The following CRKL variants were observed in gnomAD, a reference collection of about 807,000 sequenced individuals.
CRKL encodes CRK like proto-oncogene, adaptor protein, also known as crk-like protein.
CRKL carries 3 observed loss-of-function variants against 23.0 expected under a neutral mutation model. That is an observed-to-expected ratio of 0.13 (90% CI 0.06 to 0.34). The LOEUF (loss-of-function observed/expected upper bound fraction) is 0.34. CRKL is among the 10% of genes least tolerant of loss of function. The pLI, the probability that CRKL is intolerant of heterozygous loss-of-function variation, is 1.00. For missense variants in CRKL, 256 were observed against 394.5 expected (o/e 0.65, Z 2.97); for synonymous variants, 188 against 160.7 (o/e 1.17, Z -1.28).
At position 20,949,749 on chromosome 22, in the gene CRKL, T is replaced by C; in HGVS notation, c.816T>C (p.Asn272=). The C allele has an allele frequency of 6.2e-7, 1 of 1,613,668 alleles. No individual in the cohort carries two copies. Among genetic ancestry groups the C allele is most frequent in the Non-Finnish European group, 8.5e-7 (1 of 1,179,844 alleles). The change falls in exon 3 of 3, where the codon AAT becomes AAC. Residue 272 remains asparagine (N), a synonymous_variant. Coordinates refer to ENST00000354336, the MANE Select transcript of CRKL (RefSeq NM_005207.4). Reference sequence around the variant, plus strand: ...TGAAAGTCACAAGGATGAATATAAATGGCCAGTGGGAAGGCGAAGTGAACG... The same window carrying C: ...TGAAAGTCACAAGGATGAATATAAACGGCCAGTGGGAAGGCGAAGTGAACG... The part of the protein sequence containing the change: ...DIVKVTRMNI[N]GQWEGEVNGR...
At chr22:20,927,008 A>ACAT in intron 1 of CRKL, among the ~76,000 whole-genome samples, 2 of 145,306 alleles carry the variant, frequency 1.4e-5, no homozygotes, top group Non-Finnish European at 3.0e-5. Flanking sequence ...GCTACTCGGG[A>ACAT]GGCTGAGGCA....
chr22:20,943,594 GTGAGGTAAGGTTTCAGAGTC>G (rs1921953553), intron 2 of CRKL, among the ~76,000 whole-genome samples: 3 of 152,216 alleles, frequency 2.0e-5, no homozygotes, highest in Admixed American at 2.0e-4. Context: ...TGTGTATAGT[GTGAGGTAAGGTTTCAGAGTC>G]TTTCTTTTGC....
intron 1 of CRKL, among the ~76,000 whole-genome samples, chr22:20,922,321 T>A (rs1458761525): frequency 6.6e-6 from 1 of 151,884 alleles, no homozygotes; most frequent in East Asian, 1.9e-4. Flanking sequence ...CTCTCCGGCC[T>A]GGGAGTGTGT....
chr22:20,927,842 CAAAAAAAAAA>C (rs796204860), intron 1 of CRKL, among the ~76,000 whole-genome samples: 11 of 56,262 alleles, frequency 2.0e-4, no homozygotes, highest in South Asian at 2.0e-3. Flanking sequence ...GACTCTGTCT[CAAAAAAAAAA>C]AAAAAAAAAA....
intron 1 of CRKL, among the ~76,000 whole-genome samples, chr22:20,918,520 C>T (rs1340075600): frequency 6.6e-6 from 1 of 151,460 alleles, no homozygotes; most frequent in African/African-American, 2.4e-5. Context: ...TTAAAATGCA[C>T]GCTTTTTGCC....
In CRKL at chr22:20,921,763, G is replaced by A. The variant is rs549288385; in HGVS notation, c.311+3518G>A. ...GGAGTCTTGCTCTGTCGCCCAGGCT[G>A]GAGTGTGCGATCTCGGCTCACTGCA... On this transcript the variant is annotated intron_variant, in intron 1 of 2. Transcript: ENST00000354336. Among the ~76,000 whole-genome samples the A allele has an allele frequency of 1.7e-3, 255 of 151,376 alleles. 2 individuals are homozygous for A. Among genetic ancestry groups the A allele is most frequent in the African/African-American group, 6.0e-3 (246 of 41,216 alleles).
rs765450335 is a variant in CRKL, at chr22:20,926,928, A to G, written c.312-6851A>G. ...TGCGTTCGAGACCAGCCTGGCCAAC[A>G]CAGTGAAACCCTGTCTCTACTAAAA... On this transcript the variant is annotated intron_variant, in intron 1 of 2. Transcript: ENST00000354336. Among the ~76,000 whole-genome samples, 112 of 151,744 alleles carry G rather than the reference A, an allele frequency of 7.4e-4. 1 individual carries two copies. Among genetic ancestry groups the G allele is most frequent in the Admixed American group, 2.9e-3 (44 of 15,214 alleles).
chr22:20,925,502 G>A (rs940619949), intron 1 of CRKL, among the ~76,000 whole-genome samples: 1 of 152,214 alleles, frequency 6.6e-6, no homozygotes, highest in East Asian at 1.9e-4. Context: ...TCAACAGAGC[G>A]AGACTTCGTC....
chr22:20,945,567 G>A (rs1005065255), intron 2 of CRKL, among the ~76,000 whole-genome samples: 2 of 152,070 alleles, frequency 1.3e-5, no homozygotes, highest in African/African-American at 4.8e-5. Context: ...GAAGGATAGT[G>A]GTAATTTTAA....
At chr22:20,946,175 G>A (rs556413994) in intron 2 of CRKL, among the ~76,000 whole-genome samples, 3 of 152,234 alleles carry the variant, frequency 2.0e-5, no homozygotes, top group Non-Finnish European at 2.9e-5. Flanking sequence ...TACAGGGAGC[G>A]GAGACTGATT....
intron 1 of CRKL, among the ~76,000 whole-genome samples, chr22:20,921,597 C>G (rs1210550096): frequency 6.6e-6 from 1 of 152,118 alleles, no homozygotes; most frequent in East Asian, 1.9e-4. Flanking sequence ...CCAGCCTAGG[C>G]AAGGCTTGGC....
At chr22:20,923,803 C>G (rs1479002088) in intron 1 of CRKL, among the ~76,000 whole-genome samples, 5 of 151,572 alleles carry the variant, frequency 3.3e-5, no homozygotes, top group African/African-American at 1.2e-4. Flanking sequence ...TTTTCTGTCT[C>G]TTGACCTCAG....
At chr22:20,941,933 G>A (rs1358613457) in intron 2 of CRKL, among the ~76,000 whole-genome samples, 2 of 152,144 alleles carry the variant, frequency 1.3e-5, no homozygotes, top group Non-Finnish European at 2.9e-5. Flanking sequence ...GGGCCCTGGT[G>A]TGGTTCAGGC....
intron 2 of CRKL, among the ~76,000 whole-genome samples, chr22:20,946,501 TC>T (rs1304205217): frequency 4.6e-5 from 7 of 152,130 alleles, no homozygotes; most frequent in Non-Finnish European, 1.0e-4. Flanking sequence ...ATTGGCCTGT[TC>T]CATAGAGTGA....
In CRKL at chr22:20,917,512, A is replaced by G. The variant is rs1929733653; in HGVS notation, c.-423A>G. ...AACAAGCTGGGCAAAAGCACCCCGGAGGCGCGACGCTCCTTCGAGTTCGGT... is the reference window on the plus strand; with the variant it reads ...AACAAGCTGGGCAAAAGCACCCCGGGGGCGCGACGCTCCTTCGAGTTCGGT... On this transcript the variant is annotated 5_prime_UTR_variant, in exon 1 of 3. Transcript: ENST00000354336. The G allele has an allele frequency of 3.9e-6, 1 of 256,562 alleles. No individual in the cohort carries two copies. Among genetic ancestry groups the G allele is most frequent in the Non-Finnish European group, 7.4e-6 (1 of 134,364 alleles). 15.9% of individuals were successfully genotyped at this position (256,562 alleles called of 1,614,324 possible).
chr22:20,918,271 G>C, intron 1 of CRKL, 26 bp downstream of exon 1: 1 of 1,609,034 alleles, frequency 6.2e-7, no homozygotes, highest in Non-Finnish European at 8.5e-7. Flanking sequence ...CCCCGACCGC[G>C]GAGGAAGGTC....
rs574078448 is a variant in CRKL at position 20,929,257 on chromosome 22, C to T, written c.312-4522C>T. Among the ~76,000 whole-genome samples the T allele has an allele frequency of 3.3e-5, 5 of 151,986 alleles. No individual in the cohort carries two copies. In the East Asian group the frequency reaches 5.8e-4, roughly 18 times the overall value. On this transcript the variant is annotated intron_variant, in intron 1 of 2. Coordinates refer to ENST00000354336, the MANE Select transcript of CRKL (RefSeq NM_005207.4). Reference sequence around the variant, plus strand: ...TCGGCTCACTGCAAGCTCTGCCTCCCGGGTTCACACCATTCTCCTGCCTCA... The same window carrying T: ...TCGGCTCACTGCAAGCTCTGCCTCCTGGGTTCACACCATTCTCCTGCCTCA...
At chr22:20,933,532 G>A (rs1177349022) in intron 1 of CRKL, among the ~76,000 whole-genome samples, 3 of 151,846 alleles carry the variant, frequency 2.0e-5, no homozygotes, top group Admixed American at 6.6e-5. Context: ...CCTGGGCGTG[G>A]TAGTGGGCGC....
chr22:20,917,795 G>C lies in CRKL; in HGVS notation c.-140G>C, dbSNP rs1474127908. 1 of 810,374 alleles carries C rather than the reference G, an allele frequency of 1.2e-6. No homozygotes were observed. Among genetic ancestry groups the C allele is most frequent in the African/African-American group, 1.7e-5 (1 of 57,506 alleles). 50.2% of individuals were successfully genotyped at this position (810,374 alleles called of 1,614,324 possible). The stretch of plus-strand genomic sequence containing the variant: ...GCGGGCCCGGAGCCGAGAGGAAAGT[G>C]CTGGCCCAGCCCTCTGAGCGCTCCT... On this transcript the variant is annotated 5_prime_UTR_variant, in exon 1 of 3. Coordinates refer to ENST00000354336, the MANE Select transcript of CRKL (RefSeq NM_005207.4).
Sources: gnomAD v4.1 joint callset for allele counts (sites outside exome capture counted in the v4.1 genomes callset) on GRCh38, gnomAD v4.1.1 for gene constraint, MANE v1.5 for transcripts, NCBI Gene and HGNC (gene_info 2026-07-23, HGNC 2026-07-21) for gene names.